UNC5D: variants seen among roughly 807,000 people sequenced by gnomAD.
The protein encoded by UNC5D is unc-5 netrin receptor D.
In UNC5D, 39 loss-of-function variants were observed where a neutral mutation model predicts 105.4. That is an observed-to-expected ratio of 0.37 (90% confidence interval 0.29 to 0.48). UNC5D has a LOEUF of 0.48. Ranked by LOEUF, UNC5D falls within the 20% of genes least tolerant of loss-of-function variation. The pLI, the probability that UNC5D is intolerant of heterozygous loss-of-function variation, is 0.98. For missense variants in UNC5D, 991 were observed against 1,202.4 expected, an observed-to-expected ratio of 0.82 and a Z score of 2.60; for synonymous variants, 452 against 450.4, an observed-to-expected ratio of 1.00 and a Z score of -0.04.
chr8:35,237,914 T>G (rs1802573796), intron 1 of UNC5D, among the ~76,000 whole-genome samples: 1 of 152,156 alleles, frequency 6.6e-6, no homozygotes, highest in Admixed American at 6.6e-5. Flanking sequence ...AGGGTGTGTT[T>G]CAGTGCTTAT....
Position 35,779,451 on chromosome 8 carries a change from G to A in UNC5D, c.2657+4974G>A, listed in dbSNP as rs375465283. 2.8e-4 allele frequency among the ~76,000 whole-genome samples: 42 copies of A among 152,218 alleles called. 1 individual carries two copies. Among genetic ancestry groups the A allele is most frequent in the African/African-American group, 9.6e-4 (40 of 41,544 alleles). ...GATATGAACTCTTTCACAGGAGAGTGGCTTTTTTGTTTGCTTGTTTGTTTT... is the reference window on the plus strand; with the variant it reads ...GATATGAACTCTTTCACAGGAGAGTAGCTTTTTTGTTTGCTTGTTTGTTTT... On this transcript the variant is annotated intron_variant, in intron 16 of 16. Coordinates refer to ENST00000404895, the MANE Select transcript of UNC5D (RefSeq NM_080872.4).
chr8:35,793,087 A>G lies in UNC5D; in HGVS notation c.*2524A>G, dbSNP rs1412363397. ...TTCAGCCTAAGATTCAATCAAATTC[A>G]TCCTTCAGCCTGTCTTGTTTCTTCT... On this transcript the variant is annotated 3_prime_UTR_variant, in exon 17 of 17. Transcript: ENST00000404895. The G allele has an allele frequency of 2.2e-6, 1 of 453,334 alleles. No homozygotes were observed. The highest frequency in any genetic ancestry group is 4.4e-6 in the Non-Finnish European group (1 of 225,890). 28.1% of individuals were successfully genotyped at this position (453,334 alleles called of 1,614,324 possible).
intron 1 of UNC5D, among the ~76,000 whole-genome samples, chr8:35,306,208 C>T (rs536564725): frequency 5.9e-5 from 9 of 151,700 alleles, no homozygotes; most frequent in African/African-American, 1.9e-4. Context: ...ACATTGGAAT[C>T]GGCGATGTGT....
At chr8:35,725,771 G>A (rs1037570419) in intron 9 of UNC5D, among the ~76,000 whole-genome samples, 4 of 152,114 alleles carry the variant, frequency 2.6e-5, no homozygotes, top group Non-Finnish European at 5.9e-5. Context: ...AAACTTGACT[G>A]CAAAACATCT....
Position 35,568,173 on chromosome 8 carries a change from G to A in UNC5D, c.398G>A (p.Trp133Ter). ...VEDFHGPEDY[W>*]CQCVAWSHLG... is the part of the protein sequence containing the mutation. ...GACTTCCATGGGCCCGAGGACTATT[G>A]GTGCCAGTGTGTGGCGTGGAGCCAC... Residue 133 changes from tryptophan (W) to a stop codon, truncating the protein, a stop_gained, in exon 3 of 17, where the codon TGG becomes TAG. Coordinates refer to ENST00000404895, the MANE Select transcript of UNC5D (RefSeq NM_080872.4). LOFTEE classifies it high-confidence loss of function. The A allele has an allele frequency of 6.2e-7, 1 of 1,614,170 alleles. No homozygotes were observed.
intron 1 of UNC5D, chr8:35,525,533 A>T: frequency 1.2e-6 from 2 of 1,612,234 alleles, no homozygotes; most frequent in Non-Finnish European, 1.7e-6. Context: ...AAGCTAGGGG[A>T]GGAGGGGTTT....
At chr8:35,533,007 TCA>T (rs1479182968) in intron 1 of UNC5D, among the ~76,000 whole-genome samples, 1 of 146,662 alleles carries the variant, frequency 6.8e-6, no homozygotes, top group East Asian at 2.0e-4. Context: ...CTCCCGTAGC[TCA>T]GAGTAATTTG....
intron 1 of UNC5D, among the ~76,000 whole-genome samples, chr8:35,267,902 T>C (rs1804999723): frequency 6.6e-6 from 1 of 152,184 alleles, no homozygotes; most frequent in East Asian, 1.9e-4. Flanking sequence ...TATCACTAGA[T>C]TTCTAACTTG....
At position 35,626,029 on chromosome 8, in the gene UNC5D, T is replaced by G. The variant is rs192663625; in HGVS notation, c.570+30372T>G. Among the ~76,000 whole-genome samples the G allele has an allele frequency of 1.3e-4, 20 of 152,292 alleles. No individual in the cohort carries two copies. In the East Asian group the frequency reaches 3.9e-3, roughly 29 times the overall value. On this transcript the variant is annotated intron_variant, in intron 4 of 16. Transcript: ENST00000404895. Reference sequence around the variant, plus strand: ...CCTTGGCAGATAGCAGGGCTGTCTTTCAGCTTTTGTTTAGAACCCTTGGGG... The same window carrying G: ...CCTTGGCAGATAGCAGGGCTGTCTTGCAGCTTTTGTTTAGAACCCTTGGGG...
At chr8:35,667,306 G>C (rs1824487639) in intron 4 of UNC5D, among the ~76,000 whole-genome samples, 1 of 152,058 alleles carries the variant, frequency 6.6e-6, no homozygotes, top group African/African-American at 2.4e-5. Context: ...CAGTCAGCTG[G>C]GTGCTGTGTG....
At chr8:35,653,423 A>G (rs1420742978) in intron 4 of UNC5D, among the ~76,000 whole-genome samples, 1 of 152,206 alleles carries the variant, frequency 6.6e-6, no homozygotes, top group Non-Finnish European at 1.5e-5. Flanking sequence ...AAAGTCATCT[A>G]AAGGGCTTCC....
intron 1 of UNC5D, among the ~76,000 whole-genome samples, chr8:35,350,434 G>C (rs1309030337): frequency 6.6e-6 from 1 of 151,996 alleles, no homozygotes; most frequent in African/African-American, 2.4e-5. Context: ...GTAAATAAAA[G>C]TGCCTAGCAT....
intron 1 of UNC5D, among the ~76,000 whole-genome samples, chr8:35,427,111 C>G (rs1806303971): frequency 6.6e-6 from 1 of 152,176 alleles, no homozygotes; most frequent in Admixed American, 6.5e-5. Flanking sequence ...GAATATTCAG[C>G]TCCAGCTCAA....
intron 2 of UNC5D, among the ~76,000 whole-genome samples, chr8:35,554,292 T>C (rs573407192): frequency 5.3e-5 from 8 of 152,352 alleles, no homozygotes; most frequent in African/African-American, 1.9e-4. Flanking sequence ...GCTAGAGTTC[T>C]TTCCTGCAAA....
chr8:35,623,058 T>C (rs1442358390), intron 4 of UNC5D, among the ~76,000 whole-genome samples: 1 of 152,192 alleles, frequency 6.6e-6, no homozygotes, highest in Non-Finnish European at 1.5e-5. Flanking sequence ...AGGTGGAACG[T>C]CTAGAATCAA....
At chr8:35,769,638 GAC>G (rs1801921668) in intron 15 of UNC5D, among the ~76,000 whole-genome samples, 1 of 152,146 alleles carries the variant, frequency 6.6e-6, no homozygotes, top group African/African-American at 2.4e-5. Flanking sequence ...TCACAGGAAA[GAC>G]ACACATCTGG....
intron 1 of UNC5D, among the ~76,000 whole-genome samples, chr8:35,501,397 G>T (rs1811965362): frequency 6.6e-6 from 1 of 152,168 alleles, no homozygotes; most frequent in Admixed American, 6.5e-5. Flanking sequence ...CATAAGGCCG[G>T]GGAAAGAAAG....
chr8:35,411,791 A>AT (rs544217168), intron 1 of UNC5D, among the ~76,000 whole-genome samples: 18 of 151,850 alleles, frequency 1.2e-4, no homozygotes, highest in African/African-American at 4.1e-4. Context: ...GGACTGTTTA[A>AT]TTTTTTTTAT....
intron 4 of UNC5D, among the ~76,000 whole-genome samples, chr8:35,615,119 G>A (rs1367703946): frequency 6.8e-6 from 1 of 146,022 alleles, no homozygotes; most frequent in East Asian, 2.0e-4. Context: ...CACACATGTA[G>A]TTCCAGCTAC....
Sources: allele counts gnomAD v4.1 joint callset (sites outside exome capture counted in the v4.1 genomes callset), GRCh38; gene constraint gnomAD v4.1.1; transcripts MANE v1.5; gene names NCBI Gene and HGNC (gene_info 2026-07-23, HGNC 2026-07-21).